KCNK9: variants seen among roughly 807,000 people sequenced by gnomAD.
KCNK9 encodes potassium two pore domain channel subfamily K member 9.
A neutral mutation model predicts 10.8 loss-of-function variants in KCNK9; 1 was observed. The ratio of observed to expected loss-of-function variants is 0.09; its 90% CI spans 0.03 to 0.44. The LOEUF (loss-of-function observed/expected upper bound fraction) is 0.44, where lower values mean the gene tolerates loss of function less well. Among genes scored for constraint, KCNK9 ranks in the 20% least tolerant of loss-of-function variants. The pLI is 0.97. For missense variants in KCNK9, 303 were observed against 515.0 expected, an observed-to-expected ratio of 0.59 and a Z score of 3.98; for synonymous variants, 231 against 222.7, an observed-to-expected ratio of 1.04 and a Z score of -0.33.
chr8:139,623,117 A>G (rs1459167075), intron 1 of KCNK9, among the ~76,000 whole-genome samples: 2 of 152,224 alleles, frequency 1.3e-5, no homozygotes, highest in Non-Finnish European at 2.9e-5. Flanking sequence ...TACAGATTGT[A>G]TGTAGAAGAT....
At chr8:139,625,278 C>T (rs1019226241) in intron 1 of KCNK9, among the ~76,000 whole-genome samples, 1 of 152,226 alleles carries the variant, frequency 6.6e-6, no homozygotes, top group African/African-American at 2.4e-5. Flanking sequence ...GGTGCCTCTC[C>T]CAGCCCCGGA....
chr8:139,676,566 A>AC (rs761593693), intron 1 of KCNK9, among the ~76,000 whole-genome samples: 4 of 152,076 alleles, frequency 2.6e-5, no homozygotes, highest in Non-Finnish European at 5.9e-5. Flanking sequence ...GAGAGGAGGC[A>AC]CTCCCTATGT....
chr8:139,667,463 C>T lies in KCNK9; in HGVS notation c.283+35247G>A, dbSNP rs184485980. Among the ~76,000 whole-genome samples the T allele has an allele frequency of 2.6e-3, 387 of 150,802 alleles. 1 individual carries two copies. Among genetic ancestry groups the T allele is most frequent in the African/African-American group, 8.8e-3 (362 of 41,010 alleles). ...TTGCAATCCTAGCACTTTGGGAGGC[C>T]GAGGTGGGCAGATCACGAGGTCAGA... On this transcript the variant is annotated intron_variant, in intron 1 of 1. Transcript: ENST00000520439.
At chr8:139,669,798 G>A (rs1243836258) in intron 1 of KCNK9, among the ~76,000 whole-genome samples, 2 of 151,858 alleles carry the variant, frequency 1.3e-5, no homozygotes, top group East Asian at 1.9e-4. Context: ...TTACTTTGCC[G>A]AGATCCATCA....
chr8:139,702,801 C>T lies in KCNK9; in HGVS notation c.192G>A (p.Leu64=). ...GGTGCGGTTCCGACTGCAGGATCACCAGCTCCAGCTGCCGGTAGTCCTCGC... is the reference window on the plus strand; with the variant it reads ...GGTGCGGTTCCGACTGCAGGATCACTAGCTCCAGCTGCCGGTAGTCCTCGC... The part of the protein sequence containing the change: ...ISSEDYRQLE[L]VILQSEPHRA... The change falls in exon 1 of 2, where the codon CTG becomes CTA. Residue 64 remains leucine (L), a synonymous_variant. Coordinates refer to ENST00000520439, the MANE Select transcript of KCNK9 (RefSeq NM_001282534.2). The surrounding 1 kb of genome is among the most constrained non-coding windows in gnomAD (Gnocchi z 7.5). The T allele has an allele frequency of 6.2e-7, 1 of 1,613,890 alleles. No individual in the cohort carries two copies. The highest frequency in any genetic ancestry group is 8.5e-7 in the Non-Finnish European group (1 of 1,179,968).
Position 139,639,935 on chromosome 8 carries a change from G to A in KCNK9, c.284-20836C>T, listed in dbSNP as rs180723520. On this transcript the variant is annotated intron_variant, in intron 1 of 1. Coordinates refer to ENST00000520439, the MANE Select transcript of KCNK9 (RefSeq NM_001282534.2). ...GACCCTAGCTCTGCCCCATCATGGA[G>A]ATGTCATCCATGTCATCCACTGTGA... Among the ~76,000 whole-genome samples the A allele has an allele frequency of 5.9e-4, 90 of 152,228 alleles. 1 individual carries two copies. Among genetic ancestry groups the A allele is most frequent in the African/African-American group, 2.0e-3 (83 of 41,532 alleles).
intron 1 of KCNK9, among the ~76,000 whole-genome samples, chr8:139,674,299 G>T (rs1816500430): frequency 6.6e-6 from 1 of 152,212 alleles, no homozygotes; most frequent in Admixed American, 6.5e-5. Context: ...CAGCAGGAGG[G>T]CTGCATGTAC....
intron 1 of KCNK9, among the ~76,000 whole-genome samples, chr8:139,643,330 T>G (rs935993926): frequency 2.6e-5 from 4 of 152,190 alleles, no homozygotes; most frequent in Non-Finnish European, 4.4e-5. Context: ...CCATTTCTAT[T>G]CCCCAACGTC....
At chr8:139,615,276 C>T (rs1323310130), downstream of KCNK9, among the ~76,000 whole-genome samples, 2 of 152,174 alleles carry the variant, frequency 1.3e-5, no homozygotes, top group Non-Finnish European at 1.5e-5. Context: ...TCAATGTCCT[C>T]GTCTGAAAAC....
chr8:139,651,624 G>C (rs1187843336), intron 1 of KCNK9, among the ~76,000 whole-genome samples: 1 of 152,202 alleles, frequency 6.6e-6, no homozygotes, highest in Non-Finnish European at 1.5e-5. Context: ...GTAGCGGATG[G>C]ATGGGAGTCA....
At chr8:139,629,206 G>A (rs1434781249) in intron 1 of KCNK9, among the ~76,000 whole-genome samples, 3 of 152,194 alleles carry the variant, frequency 2.0e-5, no homozygotes, top group African/African-American at 4.8e-5. Context: ...TCCCCACAGC[G>A]ACCTCACCAG....
At chr8:139,622,408 A>G (rs2130114210) in intron 1 of KCNK9, among the ~76,000 whole-genome samples, 1 of 152,250 alleles carries the variant, frequency 6.6e-6, no homozygotes, top group South Asian at 2.1e-4. Flanking sequence ...GAGCTACATC[A>G]AGGGTCCCTT....
At chr8:139,629,498 A>G (rs1815094232) in intron 1 of KCNK9, among the ~76,000 whole-genome samples, 1 of 152,244 alleles carries the variant, frequency 6.6e-6, no homozygotes, top group South Asian at 2.1e-4. Context: ...GTCCATGTGT[A>G]CAACGGAATG....
intron 1 of KCNK9, among the ~76,000 whole-genome samples, chr8:139,632,974 G>A (rs911792004): frequency 3.3e-5 from 5 of 152,128 alleles, no homozygotes; most frequent in African/African-American, 9.7e-5. Context: ...AACAACATGC[G>A]AGAAGAACCC....
chr8:139,700,302 T>C (rs1355256293), intron 1 of KCNK9, among the ~76,000 whole-genome samples: 6 of 152,136 alleles, frequency 3.9e-5, no homozygotes, highest in Non-Finnish European at 5.9e-5. Context: ...CAGGTAGTTA[T>C]TGTGAGACAT....
chr8:139,629,915 G>A (rs1450911822), intron 1 of KCNK9, among the ~76,000 whole-genome samples: 1 of 152,140 alleles, frequency 6.6e-6, no homozygotes, highest in Non-Finnish European at 1.5e-5. Context: ...TTCAATGTGT[G>A]AATTTCGGGG....
At chr8:139,607,000 CT>C (rs1047547724) in intron 2 of KCNK9, among the ~76,000 whole-genome samples, 12 of 152,162 alleles carry the variant, frequency 7.9e-5, no homozygotes, top group African/African-American at 2.9e-4. Flanking sequence ...CACAAAACGG[CT>C]GTCAAAATGC....
At chr8:139,652,361 C>T (rs990405481) in intron 1 of KCNK9, among the ~76,000 whole-genome samples, 1 of 152,216 alleles carries the variant, frequency 6.6e-6, no homozygotes, top group Non-Finnish European at 1.5e-5. Context: ...ACTCCAAGCT[C>T]AGTGCTCACT....
intron 1 of KCNK9, among the ~76,000 whole-genome samples, chr8:139,653,955 C>A (rs186242038): frequency 0.016 from 2,502 of 152,278 alleles, 67 homozygotes; most frequent in African/African-American, 0.057. Context: ...GGCCCGTGTT[C>A]ATTTCTTCCA....
Sources: gnomAD v4.1 joint callset for allele counts (sites outside exome capture counted in the v4.1 genomes callset) on GRCh38, gnomAD v4.1.1 for gene constraint, Gnocchi (gnomAD v3.1) non-coding constraint, MANE v1.5 for transcripts, NCBI Gene and HGNC (gene_info 2026-07-23, HGNC 2026-07-21) for gene names.